Variants in EFNA5 observed in about 807,000 individuals in gnomAD.
EFNA5 encodes ephrin A5.
EFNA5 carries 5 observed loss-of-function variants against 22.9 expected under a neutral mutation model. The ratio of observed to expected loss-of-function variants is 0.22; its 90% CI spans 0.11 to 0.46. The LOEUF (loss-of-function observed/expected upper bound fraction) is 0.46. EFNA5 is among the 20% of genes least tolerant of loss of function. The pLI, the probability that EFNA5 is intolerant of heterozygous loss-of-function variation, is 0.99. For missense variants in EFNA5, 237 were observed against 293.3 expected (o/e 0.81, Z 1.40); for synonymous variants, 113 against 112.2 (o/e 1.01, Z -0.04).
chr5:107,592,049 C>CAT (rs1749379610), intron 1 of EFNA5, among the ~76,000 whole-genome samples: 3 of 66,476 alleles, frequency 4.5e-5, no homozygotes, highest in African/African-American at 3.5e-4. Flanking sequence ...ATATATTATA[C>CAT]ATTAAACATA....
chr5:107,424,486 GA>G (rs1406789994), intron 2 of EFNA5, among the ~76,000 whole-genome samples: 1 of 151,694 alleles, frequency 6.6e-6, no homozygotes, highest in Admixed American at 6.6e-5. Flanking sequence ...AAAGTGCTAG[GA>G]TTACAGATGT....
At chr5:107,502,979 C>T (rs2112427144) in intron 1 of EFNA5, among the ~76,000 whole-genome samples, 1 of 152,216 alleles carries the variant, frequency 6.6e-6, no homozygotes, top group South Asian at 2.1e-4. Flanking sequence ...CTAAATTTAC[C>T]CAAAACAAAT....
At position 107,623,707 on chromosome 5, in the gene EFNA5, C is replaced by CAA. The variant is rs770559961; in HGVS notation, c.125+46780_125+46781dup. Among the ~76,000 whole-genome samples, 140 of 116,102 alleles carry CAA rather than the reference C, an allele frequency of 1.2e-3. 1 individual carries two copies. Among genetic ancestry groups the CAA allele is most frequent in the African/African-American group, 1.7e-3 (53 of 31,558 alleles). The allele number at this position is 116,102 out of a possible 152,430, so 76.2% of individuals were successfully genotyped here. A position where few individuals can be genotyped will look rare whatever the true frequency, so the allele number is the denominator to read the frequency against. ...TTTTTTAAAAGAGGAGGGGGAGATT[C>CAA]AAAAAAAAAAAAACAACTACCACTT... On this transcript the variant is annotated intron_variant, in intron 1 of 4. Transcript: ENST00000333274.
At chr5:107,628,356 T>C (rs1326675952) in intron 1 of EFNA5, among the ~76,000 whole-genome samples, 2 of 152,176 alleles carry the variant, frequency 1.3e-5, no homozygotes, top group Non-Finnish European at 2.9e-5. Flanking sequence ...GTTACACATA[T>C]TGTAATACTT....
chr5:107,509,626 C>T (rs765185971), intron 1 of EFNA5, among the ~76,000 whole-genome samples: 2 of 151,686 alleles, frequency 1.3e-5, no homozygotes, highest in Non-Finnish European at 2.9e-5. Flanking sequence ...CCACCACACC[C>T]GGCCTGAGTG....
chr5:107,635,963 A>G (rs1050607927), intron 1 of EFNA5, among the ~76,000 whole-genome samples: 2 of 152,188 alleles, frequency 1.3e-5, no homozygotes, highest in Non-Finnish European at 2.9e-5. Context: ...TTAAAGCATC[A>G]ATGCTTAAAA....
intron 1 of EFNA5, among the ~76,000 whole-genome samples, chr5:107,520,129 C>A (rs250252): frequency 0.9 from 136,672 of 152,236 alleles, 61,685 homozygotes; most frequent in African/African-American, 0.97. Context: ...AATTCTTCAA[C>A]GGCAAGAGGG....
intron 1 of EFNA5, among the ~76,000 whole-genome samples, chr5:107,574,813 T>C (rs1426512277): frequency 2.0e-5 from 3 of 152,222 alleles, no homozygotes; most frequent in Non-Finnish European, 4.4e-5. Flanking sequence ...CAATTGTGGA[T>C]GTGAATGCTT....
chr5:107,481,542 T>C (rs1580481446), intron 1 of EFNA5, among the ~76,000 whole-genome samples: 1 of 152,218 alleles, frequency 6.6e-6, no homozygotes, highest in East Asian at 1.9e-4. Context: ...TTTTGAACAA[T>C]AAATGCAGGA....
At chr5:107,545,360 A>C (rs1338049586) in intron 1 of EFNA5, among the ~76,000 whole-genome samples, 1 of 152,254 alleles carries the variant, frequency 6.6e-6, no homozygotes, top group African/African-American at 2.4e-5. Context: ...GTTTTCTACC[A>C]ATCTGATTAA....
At chr5:107,486,197 AGAT>A (rs1266645728) in intron 1 of EFNA5, among the ~76,000 whole-genome samples, 15 of 152,368 alleles carry the variant, frequency 9.8e-5, no homozygotes, top group Admixed American at 5.2e-4. Flanking sequence ...AAAACAAATC[AGAT>A]GATTCCTGAG....
At chr5:107,578,832 T>C (rs1455972613) in intron 1 of EFNA5, among the ~76,000 whole-genome samples, 1 of 152,220 alleles carries the variant, frequency 6.6e-6, no homozygotes, top group East Asian at 1.9e-4. Context: ...GAGCCTGCGA[T>C]GATATGGGGC....
At chr5:107,454,722 C>A (rs185529065) in intron 1 of EFNA5, among the ~76,000 whole-genome samples, 1 of 152,142 alleles carries the variant, frequency 6.6e-6, no homozygotes, top group Admixed American at 6.5e-5. Flanking sequence ...AAAATGTATA[C>A]TTTATTTGCT....
intron 1 of EFNA5, among the ~76,000 whole-genome samples, chr5:107,531,158 A>G (rs1429272073): frequency 6.6e-6 from 1 of 152,202 alleles, no homozygotes; most frequent in Non-Finnish European, 1.5e-5. Context: ...TAACTTACCT[A>G]AAGTTCATGT....
chr5:107,531,840 C>T (rs1055940258), intron 1 of EFNA5, among the ~76,000 whole-genome samples: 1 of 152,120 alleles, frequency 6.6e-6, no homozygotes, highest in African/African-American at 2.4e-5. Context: ...AGTAGATATC[C>T]CTTCAGGTTA....
chr5:107,487,903 A>G (rs1009504755), intron 1 of EFNA5, among the ~76,000 whole-genome samples: 3 of 152,260 alleles, frequency 2.0e-5, no homozygotes, highest in African/African-American at 7.2e-5. Context: ...GAGGCTGGAT[A>G]GACCAGCTAG....
At chr5:107,468,844 G>C (rs1750062714) in intron 1 of EFNA5, among the ~76,000 whole-genome samples, 1 of 152,120 alleles carries the variant, frequency 6.6e-6, no homozygotes, top group Non-Finnish European at 1.5e-5. Flanking sequence ...TAAGCATTAA[G>C]GAAATACAGC....
intron 1 of EFNA5, among the ~76,000 whole-genome samples, chr5:107,509,268 A>T (rs1747314319): frequency 6.6e-6 from 1 of 152,086 alleles, no homozygotes; most frequent in East Asian, 1.9e-4. Context: ...TTTCATCTGA[A>T]AGAACCAACA....
intron 1 of EFNA5, among the ~76,000 whole-genome samples, chr5:107,598,041 C>A (rs930624473): frequency 2.0e-5 from 3 of 152,086 alleles, no homozygotes; most frequent in Admixed American, 6.6e-5. Flanking sequence ...ATTTATTCAA[C>A]CATTTACGAT....
Sources: gnomAD v4.1 joint callset for allele counts (sites outside exome capture counted in the v4.1 genomes callset) on GRCh38, gnomAD v4.1.1 for gene constraint, MANE v1.5 for transcripts, NCBI Gene and HGNC (gene_info 2026-07-23, HGNC 2026-07-21) for gene names.